The following NBEA variants were observed in gnomAD, a reference collection of about 807,000 sequenced individuals.
The protein encoded by NBEA is neurobeachin.
Under a neutral mutation model 343.4 loss-of-function variants are expected in NBEA, and 44 were observed. The observed-to-expected ratio is 0.13, with a 90% CI of 0.10 to 0.16. The LOEUF (loss-of-function observed/expected upper bound fraction) is 0.16. Among genes scored for constraint, NBEA ranks in the 10% least tolerant of loss-of-function variants. The probability of loss-of-function intolerance (pLI) is 1.00; values close to 1 mark genes in which losing one functional copy is unlikely to be tolerated. For synonymous variants in NBEA, 1,175 were observed against 1,238.7 expected (o/e 0.95, Z 1.08); for missense variants, 2,555 against 3,631.3 (o/e 0.70, Z 7.62).
chr13:35,283,944 TC>T (rs2035233562), intron 34 of NBEA, among the ~76,000 whole-genome samples: 1 of 151,954 alleles, frequency 6.6e-6, no homozygotes, highest in Non-Finnish European at 1.5e-5. Context: ...TTTTTCTTTT[TC>T]CTTTTCTCTT....
At chr13:35,168,213 G>A (rs779907415) in intron 24 of NBEA, among the ~76,000 whole-genome samples, 12 of 151,522 alleles carry the variant, frequency 7.9e-5, no homozygotes, top group Non-Finnish European at 1.5e-4. Flanking sequence ...CATGAAAATA[G>A]CATATTTTAA....
intron 40 of NBEA, among the ~76,000 whole-genome samples, chr13:35,463,645 G>T (rs1400013023): frequency 6.6e-6 from 1 of 152,002 alleles, no homozygotes; most frequent in Admixed American, 6.6e-5. Context: ...AGAAAAAGTT[G>T]CAGACTTTTT....
intron 41 of NBEA, among the ~76,000 whole-genome samples, chr13:35,520,808 T>A (rs1317462651): frequency 2.0e-5 from 3 of 152,224 alleles, no homozygotes; most frequent in Non-Finnish European, 4.4e-5. Context: ...TTTAAACTTC[T>A]ATTGGAAAAT....
At chr13:35,651,682 A>G in intron 52 of NBEA, 123 bp from the exon 53 acceptor site, 1 of 688,428 alleles carries the variant, frequency 1.5e-6, no homozygotes, top group Admixed American at 2.4e-5. Context: ...TATCAGAACA[A>G]TTTATCAAAT....
intron 1 of NBEA, among the ~76,000 whole-genome samples, chr13:34,995,278 C>G (rs1378184084): frequency 1.3e-5 from 2 of 151,894 alleles, no homozygotes; most frequent in Non-Finnish European, 2.9e-5. Context: ...CATGGTGAAA[C>G]CCCATCTGTA....
chr13:35,538,567 G>A (rs1248059573), intron 41 of NBEA, among the ~76,000 whole-genome samples: 5 of 152,164 alleles, frequency 3.3e-5, no homozygotes, highest in Non-Finnish European at 1.5e-5. Flanking sequence ...AGAATACCTG[G>A]ATCAGCTGTT....
chr13:35,106,984 C>T (rs1008678823), intron 11 of NBEA, among the ~76,000 whole-genome samples: 5 of 151,728 alleles, frequency 3.3e-5, no homozygotes, highest in African/African-American at 1.2e-4. Flanking sequence ...GCATGTTTAT[C>T]TAGTAACAGG....
At chr13:35,614,371 A>G (rs7338540) in intron 48 of NBEA, among the ~76,000 whole-genome samples, 34,175 of 152,100 alleles carry the variant, frequency 0.22, 4,038 homozygotes, top group Non-Finnish European at 0.24. Flanking sequence ...ATATAATTCC[A>G]TATCTATTAT....
chr13:35,352,627 G>A (rs2040252747), intron 38 of NBEA, among the ~76,000 whole-genome samples: 1 of 151,926 alleles, frequency 6.6e-6, no homozygotes, highest in African/African-American at 2.4e-5. Flanking sequence ...TGGATGTTTA[G>A]GTATGAGAAG....
chr13:35,642,846 G>A (rs958575107), intron 49 of NBEA, among the ~76,000 whole-genome samples: 2 of 151,814 alleles, frequency 1.3e-5, no homozygotes, highest in Non-Finnish European at 2.9e-5. Context: ...ACTTTGGGCT[G>A]AATGTAAGCT....
intron 8 of NBEA, among the ~76,000 whole-genome samples, chr13:35,067,787 A>T (rs1274684577): frequency 6.6e-6 from 1 of 152,110 alleles, no homozygotes; most frequent in Non-Finnish European, 1.5e-5. Context: ...CCCAGGGTGG[A>T]GTGCAGTGGC....
chr13:35,145,116 C>T (rs950879312), intron 18 of NBEA, among the ~76,000 whole-genome samples: 1 of 152,132 alleles, frequency 6.6e-6, no homozygotes, highest in African/African-American at 2.4e-5. Flanking sequence ...ACTGTGCAAA[C>T]CCCTCTTTGT....
chr13:35,056,786 C>T (rs570714482), intron 7 of NBEA, among the ~76,000 whole-genome samples: 12 of 152,216 alleles, frequency 7.9e-5, no homozygotes, highest in Middle Eastern at 3.4e-3. Flanking sequence ...CCTGGGTTTT[C>T]GCATCTTACT....
At chr13:35,651,919 T>TGA in intron 53 of NBEA, 43 bp downstream of exon 53, 7 of 1,016,920 alleles carry the variant, frequency 6.9e-6, no homozygotes, top group Non-Finnish European at 1.0e-5. Flanking sequence ...ATACTATCCA[T>TGA]ATATTCATAT....
intron 31 of NBEA, among the ~76,000 whole-genome samples, chr13:35,202,233 G>T (rs1324332944): frequency 6.6e-6 from 1 of 152,092 alleles, no homozygotes; most frequent in East Asian, 1.9e-4. Context: ...GTTCCTGAAA[G>T]GTCCTGGGCA....
At chr13:35,439,185 A>G (rs770493190) in intron 39 of NBEA, among the ~76,000 whole-genome samples, 1 of 152,208 alleles carries the variant, frequency 6.6e-6, no homozygotes, top group Non-Finnish European at 1.5e-5. Context: ...TACCACATAC[A>G]GGAGAGCTCC....
intron 46 of NBEA, 82 bp downstream of exon 46, chr13:35,584,120 G>T: frequency 7.9e-7 from 1 of 1,269,702 alleles, no homozygotes; most frequent in Non-Finnish European, 1.1e-6. Flanking sequence ...CAAATCAGTT[G>T]TAATTTGATT....
At chr13:35,468,218 T>C (rs938954324) in intron 40 of NBEA, among the ~76,000 whole-genome samples, 1 of 151,578 alleles carries the variant, frequency 6.6e-6, no homozygotes, top group African/African-American at 2.4e-5. Flanking sequence ...AGCCTCATTC[T>C]TTTTGAGAAC....
chr13:35,000,963 TTTG>T (rs201320486), intron 1 of NBEA, among the ~76,000 whole-genome samples: 17 of 152,082 alleles, frequency 1.1e-4, no homozygotes, highest in South Asian at 8.3e-4. Context: ...TTGGTTTTTT[TTTG>T]TTGTTGTTGT....
Sources: gnomAD v4.1 joint callset for allele counts (sites outside exome capture counted in the v4.1 genomes callset) on GRCh38, gnomAD v4.1.1 for gene constraint, MANE v1.5 for transcripts, NCBI Gene and HGNC (gene_info 2026-07-23, HGNC 2026-07-21) for gene names.